ERC2: variants seen among roughly 807,000 people sequenced by gnomAD.
ERC2 encodes the protein ERC protein 2.
In ERC2, 42 loss-of-function variants were observed where a neutral mutation model predicts 114.8. That is an observed-to-expected ratio of 0.37 (90% CI 0.29 to 0.47). The LOEUF (loss-of-function observed/expected upper bound fraction) is 0.47. Ranked by LOEUF, ERC2 falls within the 20% of genes least tolerant of loss-of-function variation. ERC2 has a pLI of 0.99. For synonymous variants in ERC2, 454 were observed against 425.5 expected (o/e 1.07, Z -0.82); for missense variants, 939 against 1,150.7 (o/e 0.82, Z 2.66).
chr3:56,362,620 C>T (rs188410178), intron 2 of ERC2, among the ~76,000 whole-genome samples: 2 of 152,368 alleles, frequency 1.3e-5, no homozygotes, highest in East Asian at 1.9e-4. Context: ...TCAGCGCCTG[C>T]TCCTGTTTTA....
At chr3:55,876,748 G>A (rs1357495887) in intron 14 of ERC2, among the ~76,000 whole-genome samples, 3 of 152,196 alleles carry the variant, frequency 2.0e-5, no homozygotes, top group Admixed American at 6.5e-5. Context: ...CAAGCAGCAG[G>A]CATTGATGGA....
At position 55,956,076 on chromosome 3, in the gene ERC2, AG is replaced by A. The variant is rs572153352; in HGVS notation, c.2268-5517del. Among the ~76,000 whole-genome samples, 8 of 152,374 alleles carry A rather than the reference AG, an allele frequency of 5.3e-5. No individual in the cohort carries two copies. The East Asian group carries it at 1.5e-3, about 29-fold the overall frequency. On this transcript the variant is annotated intron_variant, in intron 12 of 17. Transcript: ENST00000288221. ...ACTCTTTCACTCTTAGCTTACAGTA[AG>A]AAGAATGTAATCATGTCTTGTGCAA...
Position 56,161,452 on chromosome 3 carries a change from T to G in ERC2, c.1149+11994A>C, listed in dbSNP as rs567169797. Among the ~76,000 whole-genome samples the G allele has an allele frequency of 7.2e-5, 11 of 152,360 alleles. No homozygotes were observed. In the South Asian group the frequency reaches 2.3e-3, roughly 32 times the overall value. ...TCTGAGAAAACTGACATTGGTAGTTTGATAGGAATAGCATTGAATCTGCAA... is the reference window on the plus strand; with the variant it reads ...TCTGAGAAAACTGACATTGGTAGTTGGATAGGAATAGCATTGAATCTGCAA... On this transcript the variant is annotated intron_variant, in intron 4 of 17. Transcript: ENST00000288221.
chr3:55,982,140 G>A (rs1276877377), intron 12 of ERC2, among the ~76,000 whole-genome samples: 1 of 152,156 alleles, frequency 6.6e-6, no homozygotes, highest in Non-Finnish European at 1.5e-5. Context: ...TGCACAGCTG[G>A]CAGGACAGTT....
intron 6 of ERC2, among the ~76,000 whole-genome samples, chr3:56,111,584 G>T (rs1157837229): frequency 6.6e-6 from 1 of 152,098 alleles, no homozygotes; most frequent in East Asian, 1.9e-4. Flanking sequence ...ACTTACAGCA[G>T]CACCCACACA....
At chr3:56,146,977 T>C (rs1359589511) in intron 5 of ERC2, among the ~76,000 whole-genome samples, 2 of 152,246 alleles carry the variant, frequency 1.3e-5, no homozygotes, top group Admixed American at 1.3e-4. Context: ...CTGAAGATCA[T>C]ATAAATGTTT....
chr3:56,456,670 T>C (rs778716758), intron 1 of ERC2, among the ~76,000 whole-genome samples: 30 of 152,246 alleles, frequency 2.0e-4, no homozygotes, highest in African/African-American at 4.8e-4. Context: ...ATGGTTTCAA[T>C]GTTTGGCTCA....
chr3:55,945,792 G>A (rs764957126), intron 13 of ERC2, among the ~76,000 whole-genome samples: 2 of 151,990 alleles, frequency 1.3e-5, no homozygotes, highest in Non-Finnish European at 2.9e-5. Context: ...GTTTAACCAC[G>A]GGCAGAGAAG....
intron 17 of ERC2, among the ~76,000 whole-genome samples, chr3:55,622,775 G>T (rs757862356): frequency 1.3e-5 from 2 of 151,784 alleles, no homozygotes; most frequent in African/African-American, 4.8e-5. Context: ...AACAGAAGAG[G>T]GTCATATTAC....
intron 14 of ERC2, among the ~76,000 whole-genome samples, chr3:55,871,293 C>T (rs773430487): frequency 6.6e-6 from 1 of 152,248 alleles, no homozygotes; most frequent in East Asian, 1.9e-4. Context: ...GAGCAAGCAA[C>T]CATGAAGAAG....
intron 5 of ERC2, among the ~76,000 whole-genome samples, chr3:56,141,403 C>T (rs1245969020): frequency 6.6e-6 from 1 of 152,176 alleles, no homozygotes; most frequent in Non-Finnish European, 1.5e-5. Flanking sequence ...TGGAAGCCAG[C>T]CACCATGTTC....
intron 17 of ERC2, among the ~76,000 whole-genome samples, chr3:55,560,977 G>A (rs748597141): frequency 6.6e-6 from 1 of 151,846 alleles, no homozygotes; most frequent in Non-Finnish European, 1.5e-5. Flanking sequence ...AACAAGACTC[G>A]GCCTTTTTGG....
chr3:55,798,629 G>C (rs189640359), intron 14 of ERC2, among the ~76,000 whole-genome samples: 5 of 151,462 alleles, frequency 3.3e-5, no homozygotes, highest in Admixed American at 3.3e-4. Context: ...AAGAATCACA[G>C]AGGAAAGATA....
intron 13 of ERC2, among the ~76,000 whole-genome samples, chr3:55,939,325 A>T (rs2149420484): frequency 6.6e-6 from 1 of 152,360 alleles, no homozygotes; most frequent in South Asian, 2.1e-4. Flanking sequence ...AGAATTGCCT[A>T]AATCGGCATT....
In ERC2 at chr3:55,671,628, T is replaced by C. The variant is rs528182487; in HGVS notation, c.*39+12166A>G. Among the ~76,000 whole-genome samples, 13 of 152,334 alleles carry C rather than the reference T, an allele frequency of 8.5e-5. No homozygotes were observed. The South Asian group carries it at 2.7e-3, about 32-fold the overall frequency. ...TAAGTAAGCACTTGGCAAAACATAG[T>C]TGCCAAACATAGAAAAAGAAAAGCC... On this transcript the variant is annotated intron_variant, in intron 17 of 17. Transcript: ENST00000288221.
intron 14 of ERC2, among the ~76,000 whole-genome samples, chr3:55,812,442 G>A (rs1312616735): frequency 5.9e-5 from 9 of 152,148 alleles, no homozygotes; most frequent in South Asian, 2.1e-4. Context: ...AATCCATCAC[G>A]CAAATACTTG....
chr3:56,142,831 T>C (rs1287851880), intron 5 of ERC2, among the ~76,000 whole-genome samples: 1 of 151,950 alleles, frequency 6.6e-6, no homozygotes, highest in Non-Finnish European at 1.5e-5. Context: ...TGGTACTGTG[T>C]ACTAGTTTTT....
intron 3 of ERC2, among the ~76,000 whole-genome samples, chr3:56,226,511 G>A (rs1041696832): frequency 1.3e-5 from 2 of 152,116 alleles, no homozygotes; most frequent in African/African-American, 4.8e-5. Context: ...CTATGACATT[G>A]TCACCGCACT....
intron 2 of ERC2, among the ~76,000 whole-genome samples, chr3:56,373,776 C>A (rs2059436140): frequency 6.6e-6 from 1 of 152,124 alleles, no homozygotes. Flanking sequence ...TTTTTTATTT[C>A]CTAAATGTTA....
Sources: gnomAD v4.1 joint callset for allele counts (sites outside exome capture counted in the v4.1 genomes callset) on GRCh38, gnomAD v4.1.1 for gene constraint, MANE v1.5 for transcripts, NCBI Gene and HGNC (gene_info 2026-07-23, HGNC 2026-07-21) for gene names.